RTN4: variants seen among roughly 807,000 people sequenced by gnomAD.
The protein encoded by RTN4 is reticulon-4.
Under a neutral mutation model 90.4 loss-of-function variants are expected in RTN4, and 32 were observed. That is an observed-to-expected ratio of 0.35 (90% CI 0.27 to 0.48). RTN4 has a LOEUF of 0.48. Ranked by LOEUF, RTN4 falls within the 20% of genes least tolerant of loss-of-function variation. RTN4 has a pLI of 0.99. For missense variants in RTN4, 1,706 were observed against 1,430.2 expected, an observed-to-expected ratio of 1.19 and a Z score of -3.11; for synonymous variants, 629 against 552.5, an observed-to-expected ratio of 1.14 and a Z score of -1.94.
chr2:55,059,085 T>A (rs1668242282), intron 2 of RTN4, among the ~76,000 whole-genome samples: 2 of 152,294 alleles, frequency 1.3e-5, no homozygotes, highest in South Asian at 4.1e-4. Context: ...ATTCCAGGTT[T>A]ATCTCTAATA....
intron 1 of RTN4, among the ~76,000 whole-genome samples, chr2:55,102,446 A>C (rs904583805): frequency 6.6e-6 from 1 of 152,184 alleles, no homozygotes; most frequent in African/African-American, 2.4e-5. Context: ...AAACAAAGGG[A>C]CATAGCTGTG....
intron 1 of RTN4, among the ~76,000 whole-genome samples, chr2:55,045,547 T>C (rs1683364292): frequency 6.6e-6 from 1 of 152,202 alleles, no homozygotes; most frequent in African/African-American, 2.4e-5. Flanking sequence ...CTAATACTGC[T>C]TTCACGGTGC....
At chr2:55,137,513 T>C in the RTN4 span, among the ~76,000 whole-genome samples, 1 of 152,138 alleles carries the variant, frequency 6.6e-6, no homozygotes, top group Non-Finnish European at 1.5e-5. Flanking sequence ...AAATGGTGAC[T>C]GACTAGATGG....
chr2:55,050,221 A>C lies in RTN4; in HGVS notation c.80T>G (p.Phe27Cys). 1 of 1,561,510 alleles carries C rather than the reference A, an allele frequency of 6.4e-7. No individual in the cohort carries two copies. The highest frequency in any genetic ancestry group is 8.6e-7 in the Non-Finnish European group (1 of 1,156,464). ...PRPQPAFKYQ[F>C]VREPEDEEEE... ...CTCCTCGTCCTCGGGCTCCCTCACG[A>C]ACTGGTACTTGAACGCGGGCTGCGG... Residue 27 changes from phenylalanine to cysteine, a missense_variant, in exon 1 of 9, where the codon TTC becomes TGC. Coordinates refer to ENST00000337526, the MANE Select transcript of RTN4 (RefSeq NM_020532.5). This position sits in a 1 kb window ranked among gnomAD's most constrained non-coding sequence, Gnocchi z 4.6.
chr2:55,013,852 A>C (rs1278076589), intron 3 of RTN4, among the ~76,000 whole-genome samples: 1 of 152,174 alleles, frequency 6.6e-6, no homozygotes, highest in East Asian at 1.9e-4. Flanking sequence ...TGCAAGGGAA[A>C]GAGGGTGGGA....
upstream of RTN4, among the ~76,000 whole-genome samples, chr2:55,115,241 T>C (rs1668103205): frequency 6.6e-6 from 1 of 152,202 alleles, no homozygotes; most frequent in Non-Finnish European, 1.5e-5. Flanking sequence ...AAGGTCTGTA[T>C]TCCTTTCTAC....
intron 3 of RTN4, among the ~76,000 whole-genome samples, chr2:54,988,559 G>T (rs1468990147): frequency 6.6e-6 from 1 of 151,986 alleles, no homozygotes; most frequent in Non-Finnish European, 1.5e-5. Flanking sequence ...CTGCTCTTAA[G>T]ATCTGTCTTT....
At chr2:55,046,855 G>A (rs1234699318) in intron 1 of RTN4, 1 of 152,142 alleles carries the variant, frequency 6.6e-6, no homozygotes, top group East Asian at 1.9e-4. Flanking sequence ...CATCAATATG[G>A]AATTAGGGAA....
chr2:55,060,480 C>A (rs1668269811), intron 2 of RTN4: 1 of 152,216 alleles, frequency 6.6e-6, no homozygotes, highest in African/African-American at 2.4e-5. Context: ...TTCTACATTC[C>A]TTTATCATCC....
chr2:55,091,368 C>T (rs986482726), intron 1 of RTN4, among the ~76,000 whole-genome samples: 4 of 152,212 alleles, frequency 2.6e-5, no homozygotes, highest in Admixed American at 6.5e-5. Flanking sequence ...TCAGAGCCTC[C>T]GTACATGCTA....
intron 1 of RTN4, among the ~76,000 whole-genome samples, chr2:55,036,721 T>C (rs1048905847): frequency 4.0e-5 from 6 of 151,526 alleles, no homozygotes; most frequent in African/African-American, 1.5e-4. Flanking sequence ...TCTCAACAAA[T>C]GTCAAAAACT....
intron 3 of RTN4, among the ~76,000 whole-genome samples, chr2:55,021,347 T>G (rs140664203): frequency 7.2e-5 from 11 of 152,152 alleles, no homozygotes; most frequent in Non-Finnish European, 1.6e-4. Flanking sequence ...TGGCTGTAAG[T>G]TGCATAAAGC....
chr2:55,009,135 C>A (rs1680450951), intron 3 of RTN4, among the ~76,000 whole-genome samples: 1 of 151,982 alleles, frequency 6.6e-6, no homozygotes, highest in South Asian at 2.1e-4. Flanking sequence ...GCTCTACATA[C>A]TTTTAGAAAT....
At chr2:54,978,385 C>G (rs950876376) in intron 5 of RTN4, among the ~76,000 whole-genome samples, 1 of 146,362 alleles carries the variant, frequency 6.8e-6, no homozygotes, top group African/African-American at 2.6e-5. Context: ...AGCCTAAGAT[C>G]GCACCACCGC....
intron 1 of RTN4, among the ~76,000 whole-genome samples, chr2:55,088,277 G>A (rs1347499782): frequency 1.3e-5 from 2 of 152,312 alleles, no homozygotes; most frequent in East Asian, 3.9e-4. Flanking sequence ...AAGGAAAAGT[G>A]GGAATGACAA....
chr2:54,999,672 T>C (rs1174065263), intron 3 of RTN4, among the ~76,000 whole-genome samples: 1 of 152,172 alleles, frequency 6.6e-6, no homozygotes, highest in Non-Finnish European at 1.5e-5. Context: ...CAGTTGTTTT[T>C]CACAACCATG....
chr2:55,005,269 A>G (rs1260137159), intron 3 of RTN4, among the ~76,000 whole-genome samples: 2 of 152,152 alleles, frequency 1.3e-5, no homozygotes, highest in Non-Finnish European at 2.9e-5. Context: ...ATTTAGTGGA[A>G]AGATCAGTTA....
chr2:55,071,131 A>G (rs1400453295), intron 2 of RTN4, among the ~76,000 whole-genome samples: 3 of 150,282 alleles, frequency 2.0e-5, no homozygotes, highest in Non-Finnish European at 3.0e-5. Context: ...AGCCCAGTCT[A>G]AGTTCCTGGA....
At chr2:55,066,475 A>G (rs895448834) in intron 2 of RTN4, among the ~76,000 whole-genome samples, 2 of 152,060 alleles carry the variant, frequency 1.3e-5, no homozygotes, top group Non-Finnish European at 2.9e-5. Context: ...CAGGCGAATC[A>G]CTTGAGGTCA....
Sources: allele counts gnomAD v4.1 joint callset (sites outside exome capture counted in the v4.1 genomes callset), GRCh38; gene constraint gnomAD v4.1.1; non-coding constraint Gnocchi (gnomAD v3.1); transcripts MANE v1.5; gene names NCBI Gene and HGNC (gene_info 2026-07-23, HGNC 2026-07-21).